Variants in MCTP1 observed in about 807,000 individuals in gnomAD.
MCTP1 encodes the protein multiple C2 and transmembrane domain containing 1.
Under a neutral mutation model 120.6 loss-of-function variants are expected in MCTP1, and 69 were observed. That is an observed-to-expected ratio of 0.57 (90% CI 0.47 to 0.70). The LOEUF is 0.70. MCTP1 is among the 30% of genes least tolerant of loss of function. The pLI is 0.00. For synonymous variants in MCTP1, 529 were observed against 493.1 expected (o/e 1.07, Z -0.96); for missense variants, 1,203 against 1,248.8 (o/e 0.96, Z 0.55).
At chr5:94,762,393 A>G (rs1328317826) in intron 19 of MCTP1, among the ~76,000 whole-genome samples, 4 of 152,186 alleles carry the variant, frequency 2.6e-5, no homozygotes, top group African/African-American at 9.7e-5. Context: ...CCTCTGAACC[A>G]ACTTGAGGCA....
At chr5:94,835,131 C>T (rs1448829111) in intron 17 of MCTP1, among the ~76,000 whole-genome samples, 1 of 152,110 alleles carries the variant, frequency 6.6e-6, no homozygotes, top group Non-Finnish European at 1.5e-5. Context: ...AACGCATTCT[C>T]ATTCTTAGTT....
chr5:94,870,780 A>T, intron 15 of MCTP1, 92 bp downstream of exon 15: 1 of 925,726 alleles, frequency 1.1e-6, no homozygotes, highest in Non-Finnish European at 1.7e-6. Context: ...AGAGAAAATG[A>T]GGAATGACAG....
At chr5:94,853,180 C>G (rs532690279) in intron 17 of MCTP1, among the ~76,000 whole-genome samples, 1 of 151,770 alleles carries the variant, frequency 6.6e-6, no homozygotes, top group Non-Finnish European at 1.5e-5. Flanking sequence ...AAGGTGAACA[C>G]GAGGGTTGTG....
chr5:94,984,084 C>A (rs1017213087), intron 2 of MCTP1, among the ~76,000 whole-genome samples: 1 of 152,140 alleles, frequency 6.6e-6, no homozygotes, highest in African/African-American at 2.4e-5. Context: ...GACTCTAGAT[C>A]TAGAGCAAAA....
At chr5:94,920,015 T>C (rs1811134796) in intron 7 of MCTP1, among the ~76,000 whole-genome samples, 1 of 152,248 alleles carries the variant, frequency 6.6e-6, no homozygotes, top group African/African-American at 2.4e-5. Flanking sequence ...CTTTCTTTTG[T>C]ATTTCCATTG....
At chr5:94,819,114 T>TTC (rs1561688328) in intron 17 of MCTP1, among the ~76,000 whole-genome samples, 27 of 52,236 alleles carry the variant, frequency 5.2e-4, no homozygotes, top group African/African-American at 8.9e-4. Flanking sequence ...TTTATTTATT[T>TTC]ATTTATTCAT....
At chr5:95,022,603 G>C (rs1562031914) in intron 1 of MCTP1, among the ~76,000 whole-genome samples, 1 of 152,272 alleles carries the variant, frequency 6.6e-6, no homozygotes, top group East Asian at 1.9e-4. Context: ...ACGAGCACCT[G>C]ATCCAGCTGA....
intron 2 of MCTP1, among the ~76,000 whole-genome samples, chr5:94,989,026 T>A (rs1830989222): frequency 6.6e-6 from 1 of 152,178 alleles, no homozygotes; most frequent in Admixed American, 6.6e-5. Flanking sequence ...GAACTATAAT[T>A]CAAGATGAGG....
chr5:94,918,388 T>C lies in MCTP1; in HGVS notation c.1273-415A>G, dbSNP rs370121950. 6.3e-4 allele frequency among the ~76,000 whole-genome samples: 96 copies of C among 152,308 alleles called. 2 individuals are homozygous for C. In the South Asian group the frequency reaches 0.019, roughly 30 times the overall value. ...AGCTTTCAGAAAAATAAATGTGACA[T>C]GAATAGGCAAAAACTAAGATCATAT... On this transcript the variant is annotated intron_variant, in intron 7 of 22. Transcript: ENST00000515393.
intron 6 of MCTP1, among the ~76,000 whole-genome samples, chr5:94,925,858 A>G (rs1407176436): frequency 1.3e-5 from 2 of 152,352 alleles, no homozygotes; most frequent in South Asian, 2.1e-4. Flanking sequence ...TCTAATTTAT[A>G]AGAGTAGTAA....
At chr5:94,763,998 G>A (rs1263887242) in intron 19 of MCTP1, among the ~76,000 whole-genome samples, 2 of 151,988 alleles carry the variant, frequency 1.3e-5, no homozygotes, top group African/African-American at 2.4e-5. Flanking sequence ...GCTTATAATC[G>A]AGATTTATTT....
chr5:95,216,390 T>A (rs1344308906), intron 1 of MCTP1, among the ~76,000 whole-genome samples: 1 of 152,150 alleles, frequency 6.6e-6, no homozygotes, highest in Non-Finnish European at 1.5e-5. Context: ...CCCCTACCTT[T>A]CCAGAGAATT....
intron 12 of MCTP1, among the ~76,000 whole-genome samples, chr5:94,879,610 TA>T (rs1799634934): frequency 6.6e-6 from 1 of 152,102 alleles, no homozygotes; most frequent in Non-Finnish European, 1.5e-5. Flanking sequence ...ATGAAAACAT[TA>T]AAAATATTTA....
chr5:94,868,101 T>C (rs1240047554), intron 17 of MCTP1: 4 of 338,098 alleles, frequency 1.2e-5, no homozygotes, highest in African/African-American at 2.1e-5. Flanking sequence ...AAATGATACA[T>C]TGGCTGAGAT....
At chr5:94,936,151 A>G (rs1305906000) in intron 5 of MCTP1, among the ~76,000 whole-genome samples, 1 of 152,022 alleles carries the variant, frequency 6.6e-6, no homozygotes, top group African/African-American at 2.4e-5. Context: ...TACTAATTTT[A>G]AGAACTTACA....
rs1215459091 is a variant in MCTP1 at position 95,251,518 on chromosome 5, T to C, written c.720+32338A>G. ...AGAGTAATTTTTTTAAACACGTTTC[T>C]CAAATTTAGGGAAAGTAACTCCATA... On this transcript the variant is annotated intron_variant, in intron 1 of 22. Coordinates refer to ENST00000515393, the MANE Select transcript of MCTP1 (RefSeq NM_024717.7). Among the ~76,000 whole-genome samples the C allele has an allele frequency of 2.6e-5, 4 of 152,238 alleles. No homozygotes were observed. The East Asian group carries it at 7.7e-4, about 29-fold the overall frequency.
chr5:94,835,800 C>T lies in MCTP1; in HGVS notation c.2436+32533G>A, dbSNP rs143002180. 6.0e-3 allele frequency among the ~76,000 whole-genome samples: 917 copies of T among 152,198 alleles called. 2 individuals carry two copies. Among genetic ancestry groups the T allele is most frequent in the Non-Finnish European group, 0.01 (706 of 68,016 alleles). ...CATGCAGATCACGAGGTCAGGAGATCGAGACCACCCTGACTAACATGGTGA... is the reference window on the plus strand; with the variant it reads ...CATGCAGATCACGAGGTCAGGAGATTGAGACCACCCTGACTAACATGGTGA... On this transcript the variant is annotated intron_variant, in intron 17 of 22. Transcript: ENST00000515393.
chr5:95,106,365 G>A (rs373134478), intron 1 of MCTP1, among the ~76,000 whole-genome samples: 59 of 152,330 alleles, frequency 3.9e-4, no homozygotes, highest in East Asian at 1.9e-3. Flanking sequence ...GCTGGTGGTC[G>A]TCTTTGCTGG....
At chr5:94,827,913 G>A (rs545358812) in intron 17 of MCTP1, among the ~76,000 whole-genome samples, 2 of 151,946 alleles carry the variant, frequency 1.3e-5, no homozygotes, top group African/African-American at 2.4e-5. Flanking sequence ...GTTAGAACAT[G>A]CTCCTTTAGT....
Sources: gnomAD v4.1 joint callset for allele counts (sites outside exome capture counted in the v4.1 genomes callset) on GRCh38, gnomAD v4.1.1 for gene constraint, MANE v1.5 for transcripts, NCBI Gene and HGNC (gene_info 2026-07-23, HGNC 2026-07-21) for gene names.